The following GNAI1 variants were observed in gnomAD, a reference collection of about 807,000 sequenced individuals.
GNAI1 encodes the protein G protein subunit alpha i1, also known as guanine nucleotide-binding protein G(i) subunit alpha-1.
GNAI1 carries 11 observed loss-of-function variants against 38.9 expected under a neutral mutation model. The ratio of observed to expected loss-of-function variants is 0.28; its 90% CI spans 0.18 to 0.47. GNAI1 has a LOEUF of 0.47. Ranked by LOEUF, GNAI1 falls within the 20% of genes least tolerant of loss-of-function variation. The pLI, the probability that GNAI1 is intolerant of heterozygous loss-of-function variation, is 0.99. For synonymous variants in GNAI1, 166 were observed against 145.1 expected, an observed-to-expected ratio of 1.14 and a Z score of -1.04; for missense variants, 317 against 436.9, an observed-to-expected ratio of 0.73 and a Z score of 2.45.
At chr7:80,165,313 T>C (rs1239535965) in intron 1 of GNAI1, among the ~76,000 whole-genome samples, 3 of 152,186 alleles carry the variant, frequency 2.0e-5, no homozygotes, top group Admixed American at 1.3e-4. Flanking sequence ...TCAGTGACTT[T>C]GTCTTTTCAC....
At chr7:80,197,335 C>T (rs1015628674) in intron 3 of GNAI1, among the ~76,000 whole-genome samples, 1 of 151,834 alleles carries the variant, frequency 6.6e-6, no homozygotes. Flanking sequence ...ATAAATACAG[C>T]TTCCAAAGTT....
intron 1 of GNAI1, among the ~76,000 whole-genome samples, chr7:80,179,816 G>A (rs1788258752): frequency 6.6e-6 from 1 of 152,170 alleles, no homozygotes; most frequent in African/African-American, 2.4e-5. Context: ...TGCACAAGAA[G>A]TGGGTTATGT....
At chr7:80,209,068 A>G (rs1788828368) in intron 5 of GNAI1, among the ~76,000 whole-genome samples, 1 of 152,152 alleles carries the variant, frequency 6.6e-6, no homozygotes, top group South Asian at 2.1e-4. Flanking sequence ...AATTGTCTTT[A>G]ATCTCCCTAT....
intron 4 of GNAI1, among the ~76,000 whole-genome samples, chr7:80,201,426 A>G (rs960931018): frequency 1.3e-5 from 2 of 152,170 alleles, no homozygotes; most frequent in Non-Finnish European, 2.9e-5. Context: ...GTGAGTTAAC[A>G]GAAACATAGG....
At chr7:80,138,393 T>C (rs533633651) in intron 1 of GNAI1, among the ~76,000 whole-genome samples, 10 of 152,282 alleles carry the variant, frequency 6.6e-5, no homozygotes, top group African/African-American at 2.4e-4. Context: ...ACTAAGGAAA[T>C]CAGGCCAGAG....
At chr7:80,145,467 A>G (rs1198421988) in intron 1 of GNAI1, among the ~76,000 whole-genome samples, 1 of 152,064 alleles carries the variant, frequency 6.6e-6, no homozygotes, top group African/African-American at 2.4e-5. Flanking sequence ...TGTGGTTTTT[A>G]TCTTTTTGTG....
chr7:80,185,511 G>T (rs915764686), intron 1 of GNAI1, among the ~76,000 whole-genome samples: 6 of 152,086 alleles, frequency 3.9e-5, no homozygotes, highest in Non-Finnish European at 5.9e-5. Context: ...GCTTTACCCT[G>T]CATTCGTTGA....
At chr7:80,216,801 A>G (rs1788976271) in intron 7 of GNAI1, among the ~76,000 whole-genome samples, 1 of 152,168 alleles carries the variant, frequency 6.6e-6, no homozygotes, top group African/African-American at 2.4e-5. Context: ...TCATACTCCT[A>G]AACATCATTG....
chr7:80,191,189 G>C (rs1192217764), intron 3 of GNAI1, among the ~76,000 whole-genome samples: 2 of 151,822 alleles, frequency 1.3e-5, no homozygotes, highest in Non-Finnish European at 2.9e-5. Flanking sequence ...TCTACTCCGT[G>C]TTTTGTGTTA....
At chr7:80,193,533 A>G (rs1788516746) in intron 3 of GNAI1, among the ~76,000 whole-genome samples, 1 of 152,276 alleles carries the variant, frequency 6.6e-6, no homozygotes, top group South Asian at 2.1e-4. Flanking sequence ...ATATATTGAT[A>G]ATTTAGGTGA....
chr7:80,218,554 A>T lies in GNAI1; in HGVS notation c.*1061A>T, dbSNP rs1237437265. 1 of 152,170 alleles carries T rather than the reference A, an allele frequency of 6.6e-6. No homozygotes were observed. The highest frequency in any genetic ancestry group is 1.9e-4 in the East Asian group (1 of 5,202). 9.4% of individuals were successfully genotyped at this position (152,170 alleles called of 1,614,324 possible). On this transcript the variant is annotated 3_prime_UTR_variant, in exon 8 of 8. Coordinates refer to ENST00000649796, the MANE Select transcript of GNAI1 (RefSeq NM_002069.6). ...TACATGATAGCTCCTTGTTGGGAAG[A>T]TAACAAGAAGGATCTTTGAATACTC...
chr7:80,164,367 T>G (rs1317894337), intron 1 of GNAI1, among the ~76,000 whole-genome samples: 1 of 151,196 alleles, frequency 6.6e-6, no homozygotes, highest in Non-Finnish European at 1.5e-5. Context: ...GCTTTCCTTT[T>G]TTTCTTTTTT....
chr7:80,164,624 C>G (rs754627147), intron 1 of GNAI1, among the ~76,000 whole-genome samples: 14 of 152,094 alleles, frequency 9.2e-5, no homozygotes, highest in Non-Finnish European at 1.9e-4. Flanking sequence ...GGCCTCCCCA[C>G]TTTCTTTTTG....
At chr7:80,137,317 C>CTTTTTTTTTTTTTTTTTTTT (rs398005254) in intron 1 of GNAI1, among the ~76,000 whole-genome samples, 7 of 53,996 alleles carry the variant, frequency 1.3e-4, no homozygotes, top group Admixed American at 2.9e-4. Flanking sequence ...CTTTTCTTTT[C>CTTTTTTTTTTTTTTTTTTTT]TTTTTTTTTT....
chr7:80,194,988 G>GA (rs1395876579), intron 3 of GNAI1, among the ~76,000 whole-genome samples: 5 of 151,872 alleles, frequency 3.3e-5, no homozygotes, highest in African/African-American at 9.7e-5. Flanking sequence ...TTTTGATTCT[G>GA]AAAAATATTG....
intron 7 of GNAI1, among the ~76,000 whole-genome samples, chr7:80,213,585 G>T (rs1027353703): frequency 1.3e-5 from 2 of 152,114 alleles, no homozygotes; most frequent in Non-Finnish European, 2.9e-5. Context: ...AGCACCTCCT[G>T]GGTTGCTGTT....
Position 80,203,848 on chromosome 7 carries a change from A to C in GNAI1, c.590+16A>C. The C allele has an allele frequency of 7.1e-7, 1 of 1,402,886 alleles. No individual in the cohort carries two copies. 86.9% of individuals were successfully genotyped at this position (1,402,886 alleles called of 1,614,324 possible). On this transcript the variant is annotated intron_variant, in intron 5 of 7. Transcript: ENST00000649796. ...TTCATTTTAAGTGAGTAGCTTTGAA[A>C]TATATGATTTCTAAATTTAGATAAA...
At chr7:80,187,761 A>G (rs541847314) in intron 1 of GNAI1, among the ~76,000 whole-genome samples, 86 of 152,230 alleles carry the variant, frequency 5.6e-4, no homozygotes, top group Admixed American at 5.9e-4. Context: ...GTGAAGCCAA[A>G]TGATAGACTT....
chr7:80,142,532 C>T (rs1446456805), intron 1 of GNAI1, among the ~76,000 whole-genome samples: 1 of 152,154 alleles, frequency 6.6e-6, no homozygotes, highest in Non-Finnish European at 1.5e-5. Flanking sequence ...TTGCCTTTCT[C>T]TATGGCATTG....
Sources: allele counts gnomAD v4.1 joint callset (sites outside exome capture counted in the v4.1 genomes callset), GRCh38; gene constraint gnomAD v4.1.1; transcripts MANE v1.5; gene names NCBI Gene and HGNC (gene_info 2026-07-23, HGNC 2026-07-21).